DCUN1D3: variants seen among roughly 807,000 people sequenced by gnomAD.
DCUN1D3 encodes defective in cullin neddylation 1 domain containing 3.
DCUN1D3 carries 6 observed loss-of-function variants against 24.8 expected under a neutral mutation model. That is an observed-to-expected ratio of 0.24 (90% confidence interval 0.13 to 0.48). DCUN1D3 has a LOEUF of 0.48. Among genes scored for constraint, DCUN1D3 ranks in the 20% least tolerant of loss-of-function variants. The pLI is 0.99. For missense variants in DCUN1D3, 258 were observed against 379.4 expected (o/e 0.68, Z 2.66); for synonymous variants, 120 against 144.9 (o/e 0.83, Z 1.24).
chr16:20,861,020 T>C (rs1286569722), intron 2 of DCUN1D3, among the ~76,000 whole-genome samples: 1 of 152,190 alleles, frequency 6.6e-6, no homozygotes, highest in African/African-American at 2.4e-5. Context: ...GTAACCTTCC[T>C]GGGGTGGGGG....
chr16:20,884,381 C>T (rs926613050), intron 1 of DCUN1D3, among the ~76,000 whole-genome samples: 1 of 152,142 alleles, frequency 6.6e-6, no homozygotes, highest in African/African-American at 2.4e-5. Context: ...GTCTGCAGAC[C>T]AAGGGTGAAT....
intron 1 of DCUN1D3, chr16:20,896,441 G>A (rs117341404): frequency 2.6e-5 from 4 of 152,246 alleles, no homozygotes; most frequent in East Asian, 3.9e-4. Flanking sequence ...GCTCAGCTCC[G>A]AAAATCCAAT....
chr16:20,895,615 C>A (rs977926425), intron 1 of DCUN1D3, among the ~76,000 whole-genome samples: 1 of 152,170 alleles, frequency 6.6e-6, no homozygotes, highest in Non-Finnish European at 1.5e-5. Context: ...AAATATGTTA[C>A]GCTCTAGTTT....
intron 1 of DCUN1D3, among the ~76,000 whole-genome samples, chr16:20,882,779 T>A (rs1234699150): frequency 2.0e-5 from 3 of 152,216 alleles, no homozygotes; most frequent in Non-Finnish European, 4.4e-5. Context: ...TCAGAATACA[T>A]ACGCTTCACT....
rs371142308 is a variant in DCUN1D3, at chr16:20,891,033, G to A, written c.-106+9171C>T. ...TTTTGAGATGGAGTCTCACTCTATC[G>A]CCCAGGCTGAAGTGCTGTGGCGCGA... is the stretch of plus-strand genomic sequence containing the variant. On this transcript the variant is annotated intron_variant, in intron 1 of 2. Coordinates refer to ENST00000324344, the MANE Select transcript of DCUN1D3 (RefSeq NM_173475.4). Among the ~76,000 whole-genome samples, 22 of 149,898 alleles carry A rather than the reference G, an allele frequency of 1.5e-4. No individual in the cohort carries two copies. In the East Asian group the frequency reaches 1.8e-3, roughly 12 times the overall value.
At chr16:20,875,358 C>T (rs2081809603) in intron 1 of DCUN1D3, among the ~76,000 whole-genome samples, 1 of 152,188 alleles carries the variant, frequency 6.6e-6, no homozygotes, top group African/African-American at 2.4e-5. Flanking sequence ...AATTCTCTCA[C>T]TCAAAAACCA....
intron 2 of DCUN1D3, among the ~76,000 whole-genome samples, chr16:20,861,421 A>G (rs1250778731): frequency 2.7e-5 from 4 of 149,726 alleles, no homozygotes; most frequent in East Asian, 2.0e-4. Context: ...GGCACTTACC[A>G]TATTGGTACT....
At chr16:20,885,865 G>A (rs1055496311) in intron 1 of DCUN1D3, among the ~76,000 whole-genome samples, 1 of 152,128 alleles carries the variant, frequency 6.6e-6, no homozygotes, top group African/African-American at 2.4e-5. Context: ...AGATGGGACA[G>A]AGCCTTGAAT....
chr16:20,859,839 T>G lies in DCUN1D3; in HGVS notation c.*47A>C, dbSNP rs2081722498. The G allele has an allele frequency of 2.6e-6, 4 of 1,538,066 alleles. No homozygotes were observed. Among genetic ancestry groups the G allele is most frequent in the Non-Finnish European group, 3.5e-6 (4 of 1,142,814 alleles). ...AAAATGGTCCAATTCCTCAGTTGGC[T>G]GCAGGGCAGCTGGCAGATCCTTGCT... is the stretch of plus-strand genomic sequence containing the variant. On this transcript the variant is annotated 3_prime_UTR_variant, in exon 3 of 3. Transcript: ENST00000324344.
intron 1 of DCUN1D3, among the ~76,000 whole-genome samples, chr16:20,868,718 A>G (rs2023693): frequency 0.43 from 64,869 of 151,992 alleles, 16,387 homozygotes; most frequent in Non-Finnish European, 0.58. Context: ...GTCTGCTCAC[A>G]ATAAGTGACC....
intron 1 of DCUN1D3, among the ~76,000 whole-genome samples, chr16:20,891,429 T>C (rs1222264986): frequency 6.6e-6 from 1 of 152,248 alleles, no homozygotes; most frequent in Non-Finnish European, 1.5e-5. Flanking sequence ...TGTTCTCTAA[T>C]GCTCTAACGG....
rs2152516683 is a variant in DCUN1D3, at chr16:20,868,689, A to G, written c.-105-6046T>C. ...GTGCTCTTTTCAGGAGCCAGCCCAG[A>G]TCTCCCATAGCGATTCAGGTCTGCT... On this transcript the variant is annotated intron_variant, in intron 1 of 2. Transcript: ENST00000324344. Among the ~76,000 whole-genome samples the G allele has an allele frequency of 1.3e-5, 2 of 152,252 alleles. 1 individual carries two copies. The highest frequency in any genetic ancestry group is 4.1e-4 in the South Asian group (2 of 4,830).
intron 1 of DCUN1D3, among the ~76,000 whole-genome samples, chr16:20,875,863 A>T (rs904147155): frequency 3.9e-5 from 6 of 152,222 alleles, no homozygotes; most frequent in Admixed American, 3.9e-4. Flanking sequence ...GGGAAAAAAA[A>T]TCTGCAAACT....
chr16:20,856,366 A>G lies in DCUN1D3; in HGVS notation c.*3520T>C, dbSNP rs189365130. 1.4e-4 allele frequency: 22 copies of G among 152,326 alleles called. No individual in the cohort carries two copies. The highest frequency in any genetic ancestry group is 1.2e-3 in the Admixed American group (18 of 15,304). 9.4% of individuals were successfully genotyped at this position (152,326 alleles called of 1,614,324 possible). A position where few individuals can be genotyped will look rare whatever the true frequency, so the allele number is the denominator to read the frequency against. On this transcript the variant is annotated 3_prime_UTR_variant, in exon 3 of 3. Coordinates refer to ENST00000324344, the MANE Select transcript of DCUN1D3 (RefSeq NM_173475.4). ...CATGAGGCCATCGAGTGTAACTACTATGGGACTCCATTTTGGCACCAGCCC... is the reference window on the plus strand; with the variant it reads ...CATGAGGCCATCGAGTGTAACTACTGTGGGACTCCATTTTGGCACCAGCCC...
chr16:20,889,428 G>C (rs2081882080), intron 1 of DCUN1D3, among the ~76,000 whole-genome samples: 1 of 152,024 alleles, frequency 6.6e-6, no homozygotes. Flanking sequence ...AAGTAAGCTG[G>C]TTTCTTGCAT....
In DCUN1D3 at chr16:20,859,990, C is replaced by T; in HGVS notation, c.811G>A (p.Asp271Asn). 1 of 1,614,234 alleles carries T rather than the reference C, an allele frequency of 6.2e-7. No individual in the cohort carries two copies. Among genetic ancestry groups the T allele is most frequent in the Non-Finnish European group, 8.5e-7 (1 of 1,180,042 alleles). Residue 271 changes from aspartate to asparagine, a missense_variant, in exon 3 of 3, where the codon GAC becomes AAC. By Grantham distance (23) the Asp-to-Asn change is conservative. Transcript: ENST00000324344. ...SEDEAWPSLF[D>N]TFVEWEMERR... ...TCCATTTCCCACTCCACAAAGGTGT[C>T]AAAGAGACTTGGCCAGGCCTCATCT...
chr16:20,875,537 G>A (rs926648853), intron 1 of DCUN1D3, among the ~76,000 whole-genome samples: 1 of 152,096 alleles, frequency 6.6e-6, no homozygotes. Context: ...AGTTGAAAAC[G>A]GGAACTAAAA....
Position 20,860,360 on chromosome 16 carries a change from A to T in DCUN1D3, c.441T>A (p.Phe147Leu). 1 of 1,610,032 alleles carries T rather than the reference A, an allele frequency of 6.2e-7. No homozygotes were observed. Among genetic ancestry groups the T allele is most frequent in the South Asian group, 1.1e-5 (1 of 90,810 alleles). Residue 147 changes from phenylalanine (F) to leucine (L), a missense_variant, in exon 3 of 3, where the codon TTT becomes TTA. Physicochemically the swap from Phe to Leu is conservative, Grantham distance 22. Transcript: ENST00000324344. The surrounding 1 kb of genome is among the most constrained non-coding windows in gnomAD (Gnocchi z 4.3). The part of the protein sequence containing the change: ...ATMCKFTRKE[F>L]FDGCKAISAD... ...CACTTATTGCTTTGCAGCCATCAAAAAACTCCTTCCTGCAACAGAAAGGAA... is the reference window on the plus strand; with the variant it reads ...CACTTATTGCTTTGCAGCCATCAAATAACTCCTTCCTGCAACAGAAAGGAA...
intron 1 of DCUN1D3, among the ~76,000 whole-genome samples, chr16:20,876,432 TG>T (rs1403474558): frequency 6.4e-5 from 6 of 93,770 alleles, no homozygotes; most frequent in African/African-American, 2.2e-4. Flanking sequence ...AAAATGGTTA[TG>T]AAAAAAAAAA....
Sources: allele counts gnomAD v4.1 joint callset (sites outside exome capture counted in the v4.1 genomes callset), GRCh38; gene constraint gnomAD v4.1.1; non-coding constraint Gnocchi (gnomAD v3.1); transcripts MANE v1.5; gene names NCBI Gene and HGNC (gene_info 2026-07-23, HGNC 2026-07-21).